The following NT5DC1 variants were observed in gnomAD, a reference collection of about 807,000 sequenced individuals.
NT5DC1 encodes 5'-nucleotidase domain-containing protein 1.
A neutral mutation model predicts 59.4 loss-of-function variants in NT5DC1; 42 were observed. The observed-to-expected ratio is 0.71, with a 90% CI of 0.55 to 0.92. The LOEUF (loss-of-function observed/expected upper bound fraction) is 0.92. Ranked by LOEUF, NT5DC1 falls within the 40% of genes least tolerant of loss-of-function variation. The probability of loss-of-function intolerance (pLI) is 0.00; values close to 1 mark genes in which losing one functional copy is unlikely to be tolerated. For missense variants in NT5DC1, 501 were observed against 537.1 expected, an observed-to-expected ratio of 0.93 and a Z score of 0.66; for synonymous variants, 172 against 188.1, an observed-to-expected ratio of 0.91 and a Z score of 0.70.
chr6:116,196,826 T>G (rs916777382), intron 6 of NT5DC1, among the ~76,000 whole-genome samples: 1 of 151,926 alleles, frequency 6.6e-6, no homozygotes, highest in Admixed American at 6.6e-5. Flanking sequence ...AACACTCACA[T>G]AGTGCTTACC....
At position 116,182,222 on chromosome 6, in the gene NT5DC1, A is replaced by AGAGAGAGAGTGTGTGT. The variant is rs148509481; in HGVS notation, c.530-38831_530-38830insAGAGAGAGTGTGTGTG. Among the ~76,000 whole-genome samples the AGAGAGAGAGTGTGTGT allele has an allele frequency of 8.8e-5, 11 of 124,688 alleles. No individual in the cohort carries two copies. The South Asian group carries it at 1.4e-3, about 16-fold the overall frequency. 81.8% of individuals were successfully genotyped at this position (124,688 alleles called of 152,430 possible). ...TATGGCTGAGTAGTATTCCATGGAG[A>AGAGAGAGAGTGTGTGT]GTGTGTGTGTGTGTGTGTGTGTGTG... is the stretch of plus-strand genomic sequence containing the variant. On this transcript the variant is annotated intron_variant, in intron 6 of 11. Coordinates refer to ENST00000319550, the MANE Select transcript of NT5DC1 (RefSeq NM_152729.3).
chr6:116,125,495 T>C (rs942448687), intron 6 of NT5DC1: 4 of 1,613,560 alleles, frequency 2.5e-6, no homozygotes, highest in Non-Finnish European at 3.4e-6. Flanking sequence ...GGCAGCATAT[T>C]CTCAGATGGA....
chr6:116,149,500 C>G (rs1395753891), intron 6 of NT5DC1, among the ~76,000 whole-genome samples: 2 of 152,140 alleles, frequency 1.3e-5, no homozygotes, highest in Non-Finnish European at 2.9e-5. Flanking sequence ...GGATAAGTAA[C>G]TTGAGTCTGA....
rs952652495 is a variant in NT5DC1, at chr6:116,248,031, G to C, written c.*4007G>C. ...TGTATGGAGTCCTGTATTAAATCAAGTGATAAAATGTACCCTTCTCAAAGG... is the reference window on the plus strand; with the variant it reads ...TGTATGGAGTCCTGTATTAAATCAACTGATAAAATGTACCCTTCTCAAAGG... On this transcript the variant is annotated 3_prime_UTR_variant, in exon 12 of 12. Coordinates refer to ENST00000319550, the MANE Select transcript of NT5DC1 (RefSeq NM_152729.3). The C allele has an allele frequency of 2.0e-5, 3 of 152,176 alleles. No homozygotes were observed. The highest frequency in any genetic ancestry group is 4.4e-5 in the Non-Finnish European group (3 of 68,018). The allele number at this position is 152,176 out of a possible 1,614,324, so 9.4% of individuals were successfully genotyped here.
chr6:116,238,484 AGAG>A (rs1050834407), intron 10 of NT5DC1, 136 bp downstream of exon 10: 5 of 417,528 alleles, frequency 1.2e-5, no homozygotes, highest in African/African-American at 8.7e-5. Context: ...AAAAAAAAAA[AGAG>A]ACTAATAATT....
chr6:116,103,148 G>A (rs1345848836), intron 1 of NT5DC1, among the ~76,000 whole-genome samples: 2 of 152,160 alleles, frequency 1.3e-5, no homozygotes, highest in Non-Finnish European at 2.9e-5. Context: ...ACAGTTTCTT[G>A]TGTGTTCTGT....
At position 116,245,747 on chromosome 6, in the gene NT5DC1, G is replaced by C. The variant is rs1206975574; in HGVS notation, c.*1723G>C. On this transcript the variant is annotated 3_prime_UTR_variant, in exon 12 of 12. Transcript: ENST00000319550. Reference sequence around the variant, plus strand: ...CATCTTTAAATGCTTATGAACTACTGTTAATATGAAAAATGAGAAGTCCAA... The same window carrying C: ...CATCTTTAAATGCTTATGAACTACTCTTAATATGAAAAATGAGAAGTCCAA... The C allele has an allele frequency of 1.3e-5, 2 of 152,034 alleles. No individual in the cohort carries two copies. The highest frequency in any genetic ancestry group is 4.8e-5 in the African/African-American group (2 of 41,378). The allele number at this position is 152,034 out of a possible 1,614,324, so 9.4% of individuals were successfully genotyped here.
At chr6:116,183,607 C>T (rs1466356336) in intron 6 of NT5DC1, among the ~76,000 whole-genome samples, 1 of 151,654 alleles carries the variant, frequency 6.6e-6, no homozygotes, top group Non-Finnish European at 1.5e-5. Flanking sequence ...AGTCTTTCAC[C>T]TCCTTGGTTA....
chr6:116,109,078 C>G (rs946411404), intron 3 of NT5DC1, among the ~76,000 whole-genome samples: 1 of 152,324 alleles, frequency 6.6e-6, no homozygotes, highest in Non-Finnish European at 1.5e-5. Context: ...ACTGCTCTGT[C>G]TCTCACAGGG....
chr6:116,121,262 C>T, intron 6 of NT5DC1: 1 of 1,613,932 alleles, frequency 6.2e-7, no homozygotes, highest in Non-Finnish European at 8.5e-7. Context: ...TCCTGGAGCC[C>T]CAGGGAGACC....
chr6:116,227,190 T>C (rs571515749), intron 8 of NT5DC1, among the ~76,000 whole-genome samples: 19 of 152,336 alleles, frequency 1.2e-4, no homozygotes, highest in African/African-American at 4.3e-4. Flanking sequence ...AGTTTGGCTT[T>C]TTTACATTCC....
At chr6:116,151,817 C>G (rs1304319118) in intron 6 of NT5DC1, among the ~76,000 whole-genome samples, 1 of 152,168 alleles carries the variant, frequency 6.6e-6, no homozygotes, top group African/African-American at 2.4e-5. Context: ...AAATACTTCA[C>G]TGTACTCTTT....
chr6:116,103,986 T>G (rs1039405440), intron 1 of NT5DC1, among the ~76,000 whole-genome samples: 7 of 152,214 alleles, frequency 4.6e-5, no homozygotes, highest in African/African-American at 1.7e-4. Context: ...CAAACATAAT[T>G]TGTAGGCTGC....
chr6:116,209,619 G>T (rs1477193395), intron 6 of NT5DC1, among the ~76,000 whole-genome samples: 1 of 151,932 alleles, frequency 6.6e-6, no homozygotes, highest in East Asian at 1.9e-4. Context: ...AGGTTCACCA[G>T]GCAGCAGAGG....
chr6:116,154,742 A>G (rs913935595), intron 6 of NT5DC1, among the ~76,000 whole-genome samples: 1 of 152,154 alleles, frequency 6.6e-6, no homozygotes, highest in Non-Finnish European at 1.5e-5. Flanking sequence ...ATTCTATTTT[A>G]TTTCACTCAT....
In NT5DC1 at chr6:116,232,290, T is replaced by G. The variant is rs905205516; in HGVS notation, c.803-4676T>G. On this transcript the variant is annotated intron_variant, in intron 8 of 11. Transcript: ENST00000319550. ...ACTTATGATTTGGGGAGAAACATAA[T>G]TCAGGCCATAACAAGTATATACATA... Among the ~76,000 whole-genome samples the G allele has an allele frequency of 3.3e-5, 5 of 152,250 alleles. 1 individual carries two copies. The South Asian group carries it at 8.3e-4, about 25-fold the overall frequency.
chr6:116,179,723 T>A (rs1354588908), intron 6 of NT5DC1, among the ~76,000 whole-genome samples: 1 of 152,132 alleles, frequency 6.6e-6, no homozygotes, highest in Non-Finnish European at 1.5e-5. Flanking sequence ...AACTCAATAA[T>A]TATAAGATTC....
intron 11 of NT5DC1, among the ~76,000 whole-genome samples, chr6:116,243,523 A>G (rs1359946258): frequency 6.6e-6 from 1 of 152,220 alleles, no homozygotes; most frequent in Non-Finnish European, 1.5e-5. Context: ...ATAAAATTAA[A>G]TTGTTTTAAA....
intron 6 of NT5DC1, among the ~76,000 whole-genome samples, chr6:116,161,264 T>C (rs1780323861): frequency 6.6e-6 from 1 of 151,344 alleles, no homozygotes; most frequent in Non-Finnish European, 1.5e-5. Flanking sequence ...GTGGGTACAG[T>C]GCACCAGCAT....
Sources: allele counts gnomAD v4.1 joint callset (sites outside exome capture counted in the v4.1 genomes callset), GRCh38; gene constraint gnomAD v4.1.1; transcripts MANE v1.5; gene names NCBI Gene and HGNC (gene_info 2026-07-23, HGNC 2026-07-21).